The following NKAIN3 variants were observed in gnomAD, a reference collection of about 807,000 sequenced individuals.
NKAIN3 encodes the protein sodium/potassium-transporting ATPase subunit beta-1-interacting protein 3.
In NKAIN3, 25 loss-of-function variants were observed where a neutral mutation model predicts 30.2. The ratio of observed to expected loss-of-function variants is 0.83; its 90% CI spans 0.60 to 1.16. NKAIN3 has a LOEUF of 1.16. Among genes scored for constraint, NKAIN3 ranks in the 50% most tolerant of loss-of-function variants. The probability of loss-of-function intolerance (pLI) is 0.00; values close to 1 mark genes in which losing one functional copy is unlikely to be tolerated. For synonymous variants in NKAIN3, 91 were observed against 89.6 expected (o/e 1.02, Z -0.09); for missense variants, 225 against 254.1 (o/e 0.89, Z 0.78).
rs1366750983 is a variant in NKAIN3 at position 62,678,913 on chromosome 8, AAC to A, written c.274-68015_274-68014del. On this transcript the variant is annotated intron_variant, in intron 3 of 6. Coordinates refer to ENST00000623646, the MANE Select transcript of NKAIN3 (RefSeq NM_001304533.3). Reference sequence around the variant, plus strand: ...TCATGTATCTAGTGAATAAGGCTGGAACACAAACAGGACATTTTTGTAACATT... The same window carrying A: ...TCATGTATCTAGTGAATAAGGCTGGAACAAACAGGACATTTTTGTAACATT... Among the ~76,000 whole-genome samples, 6 of 152,174 alleles carry A rather than the reference AAC, an allele frequency of 3.9e-5. No individual in the cohort carries two copies. In the East Asian group the frequency reaches 1.2e-3, roughly 29 times the overall value.
chr8:62,827,056 T>C (rs932286472), intron 4 of NKAIN3, among the ~76,000 whole-genome samples: 1 of 152,126 alleles, frequency 6.6e-6, no homozygotes, highest in Non-Finnish European at 1.5e-5. Context: ...AATAGATAAA[T>C]AAGTAACAGT....
chr8:62,659,877 A>G (rs149209788), intron 3 of NKAIN3, among the ~76,000 whole-genome samples: 5 of 152,282 alleles, frequency 3.3e-5, no homozygotes, highest in African/African-American at 1.2e-4. Flanking sequence ...GTTTCCCTGC[A>G]CAAGCACTGT....
At chr8:62,704,910 T>C (rs530219655) in intron 3 of NKAIN3, among the ~76,000 whole-genome samples, 1 of 152,318 alleles carries the variant, frequency 6.6e-6, no homozygotes, top group South Asian at 2.1e-4. Context: ...AGAAGGAATC[T>C]AAGAAGTTAA....
chr8:62,259,788 T>C (rs1812376176), intron 1 of NKAIN3, among the ~76,000 whole-genome samples: 2 of 152,242 alleles, frequency 1.3e-5, no homozygotes, highest in South Asian at 4.2e-4. Flanking sequence ...CTTGAACTGG[T>C]AGGTTGCTGT....
intron 5 of NKAIN3, among the ~76,000 whole-genome samples, chr8:62,938,503 C>T (rs1317050910): frequency 2.0e-5 from 3 of 151,764 alleles, no homozygotes; most frequent in Non-Finnish European, 4.4e-5. Flanking sequence ...CCACTTCACT[C>T]CCCTGCTACC....
intron 1 of NKAIN3, among the ~76,000 whole-genome samples, chr8:62,331,723 A>G (rs1477334871): frequency 6.6e-6 from 1 of 152,162 alleles, no homozygotes; most frequent in East Asian, 1.9e-4. Flanking sequence ...GAAGAGACAA[A>G]CATCTACTAT....
intron 5 of NKAIN3, among the ~76,000 whole-genome samples, chr8:62,949,477 G>C (rs771248223): frequency 6.6e-6 from 1 of 152,186 alleles, no homozygotes; most frequent in Non-Finnish European, 1.5e-5. Flanking sequence ...GTGGTGGCTA[G>C]AGCGAGTAAC....
intron 3 of NKAIN3, among the ~76,000 whole-genome samples, chr8:62,690,212 C>T (rs777611601): frequency 6.6e-6 from 1 of 152,032 alleles, no homozygotes; most frequent in Non-Finnish European, 1.5e-5. Flanking sequence ...ATCATAGCGC[C>T]TCACCCAGAA....
chr8:62,550,320 C>T (rs1217666380), intron 1 of NKAIN3, among the ~76,000 whole-genome samples: 1 of 152,112 alleles, frequency 6.6e-6, no homozygotes, highest in African/African-American at 2.4e-5. Context: ...TCTCATATGT[C>T]ATTCTGCTTT....
chr8:62,414,448 T>C (rs1487266751), intron 1 of NKAIN3, among the ~76,000 whole-genome samples: 1 of 152,232 alleles, frequency 6.6e-6, no homozygotes, highest in African/African-American at 2.4e-5. Context: ...TGCTTTGTTT[T>C]AGTGTATAAT....
At chr8:62,534,387 C>A (rs1038417346) in intron 1 of NKAIN3, among the ~76,000 whole-genome samples, 5 of 152,258 alleles carry the variant, frequency 3.3e-5, no homozygotes, top group African/African-American at 4.8e-5. Flanking sequence ...TCTAGTGCAA[C>A]CTTCTCTCGC....
chr8:62,976,633 T>C lies in NKAIN3; in HGVS notation c.*11226T>C, dbSNP rs1234123409. Among the ~76,000 whole-genome samples the C allele has an allele frequency of 6.6e-6, 1 of 152,242 alleles. No individual in the cohort carries two copies. The highest frequency in any genetic ancestry group is 1.5e-5 in the Non-Finnish European group (1 of 68,038). Reference sequence around the variant, plus strand: ...CACACCAATGGGTTTTGACTCTTTATCCAATTTGCCAGTCTGTGCCTTTTA... The same window carrying C: ...CACACCAATGGGTTTTGACTCTTTACCCAATTTGCCAGTCTGTGCCTTTTA... On this transcript the variant is annotated 3_prime_UTR_variant, in exon 7 of 7. Coordinates refer to ENST00000623646, the MANE Select transcript of NKAIN3 (RefSeq NM_001304533.3).
At chr8:62,988,713 G>T (rs1824256464), downstream of NKAIN3, among the ~76,000 whole-genome samples, 1 of 152,236 alleles carries the variant, frequency 6.6e-6, no homozygotes, top group African/African-American at 2.4e-5. Context: ...GGGAGGGGCA[G>T]CTATGAAGAT....
intron 3 of NKAIN3, among the ~76,000 whole-genome samples, chr8:62,709,595 T>A (rs535466383): frequency 2.0e-5 from 3 of 152,272 alleles, no homozygotes; most frequent in Admixed American, 2.0e-4. Context: ...AGTGAGGTTA[T>A]TTGGATTTTC....
At chr8:62,284,053 T>C (rs867908204) in intron 1 of NKAIN3, among the ~76,000 whole-genome samples, 2 of 152,272 alleles carry the variant, frequency 1.3e-5, no homozygotes, top group Non-Finnish European at 2.9e-5. Context: ...CTTCCACTTT[T>C]CCTTTTTGAG....
chr8:62,716,030 T>A (rs897707516), intron 3 of NKAIN3, among the ~76,000 whole-genome samples: 4 of 152,216 alleles, frequency 2.6e-5, no homozygotes, highest in African/African-American at 9.6e-5. Context: ...GCCATGGAAC[T>A]GCTATTTGCT....
intron 3 of NKAIN3, among the ~76,000 whole-genome samples, chr8:62,590,098 A>G (rs974974762): frequency 2.1e-4 from 32 of 151,720 alleles, no homozygotes; most frequent in African/African-American, 7.0e-4. Flanking sequence ...ATAATACCAT[A>G]GTGACTGCAG....
At chr8:62,457,389 T>C (rs1805854818) in intron 1 of NKAIN3, among the ~76,000 whole-genome samples, 1 of 152,214 alleles carries the variant, frequency 6.6e-6, no homozygotes, top group South Asian at 2.1e-4. Context: ...TATCAAGCTC[T>C]CTGTCACCAG....
chr8:62,798,725 T>C (rs568797692), intron 4 of NKAIN3, among the ~76,000 whole-genome samples: 2 of 152,324 alleles, frequency 1.3e-5, no homozygotes, highest in South Asian at 4.1e-4. Flanking sequence ...AGATAATAAA[T>C]TGTTGTTGTT....
Sources: allele counts gnomAD v4.1 joint callset (sites outside exome capture counted in the v4.1 genomes callset), GRCh38; gene constraint gnomAD v4.1.1; transcripts MANE v1.5; gene names NCBI Gene and HGNC (gene_info 2026-07-23, HGNC 2026-07-21).